GPBP1: variants seen among roughly 807,000 people sequenced by gnomAD.
GPBP1 encodes the protein vasculin.
A neutral mutation model predicts 56.5 loss-of-function variants in GPBP1; 13 were observed. The ratio of observed to expected loss-of-function variants is 0.23; its 90% CI spans 0.15 to 0.37. The LOEUF is 0.37. Among genes scored for constraint, GPBP1 ranks in the 10% least tolerant of loss-of-function variants. The probability of loss-of-function intolerance (pLI) is 1.00; values close to 1 mark genes in which losing one functional copy is unlikely to be tolerated. For missense variants in GPBP1, 477 were observed against 572.3 expected, an observed-to-expected ratio of 0.83 and a Z score of 1.70; for synonymous variants, 204 against 188.9, an observed-to-expected ratio of 1.08 and a Z score of -0.66.
chr5:57,227,228 C>G (rs1464359211), intron 3 of GPBP1, among the ~76,000 whole-genome samples: 2 of 151,942 alleles, frequency 1.3e-5, no homozygotes, highest in Non-Finnish European at 2.9e-5. Context: ...AATTTTTGTA[C>G]TTTTAGTGAA....
intron 2 of GPBP1, among the ~76,000 whole-genome samples, chr5:57,210,517 T>TC (rs1755430073): frequency 6.6e-6 from 1 of 152,176 alleles, no homozygotes; most frequent in Non-Finnish European, 1.5e-5. Flanking sequence ...CCTGAGTTGT[T>TC]AGTAGGACTG....
At chr5:57,187,423 T>A (rs751967392) in intron 2 of GPBP1, among the ~76,000 whole-genome samples, 17 of 152,236 alleles carry the variant, frequency 1.1e-4, no homozygotes, top group Non-Finnish European at 2.4e-4. Flanking sequence ...GTGCTAATTA[T>A]GTGCTAGAGA....
Position 57,214,117 on chromosome 5 carries a change from G to A in GPBP1, c.-14G>A. The A allele has an allele frequency of 6.2e-7, 1 of 1,612,288 alleles. No individual in the cohort carries two copies. The highest frequency in any genetic ancestry group is 8.5e-7 in the Non-Finnish European group (1 of 1,178,352). The stretch of plus-strand genomic sequence containing the variant: ...TGAAGCCTTGTTTCACTGAGTTGGA[G>A]AGACTGGACCTAAATGGCGCAGCAT... On this transcript the variant is annotated 5_prime_UTR_variant, in exon 3 of 12. Transcript: ENST00000506184.
intron 2 of GPBP1, among the ~76,000 whole-genome samples, chr5:57,187,038 G>A (rs965439378): frequency 6.0e-4 from 87 of 144,160 alleles, no homozygotes; most frequent in African/African-American, 2.2e-3. Context: ...GTGTGTGTGT[G>A]TATGTATGTT....
chr5:57,229,940 C>A (rs1031128347), intron 3 of GPBP1, among the ~76,000 whole-genome samples: 3 of 134,082 alleles, frequency 2.2e-5, no homozygotes, highest in African/African-American at 9.5e-5. Context: ...TGCATCGCAT[C>A]GCGTCCCGTC....
intron 2 of GPBP1, among the ~76,000 whole-genome samples, chr5:57,178,446 G>A (rs758524271): frequency 1.3e-5 from 2 of 152,042 alleles, no homozygotes; most frequent in East Asian, 3.9e-4. Flanking sequence ...GGGTTTTACC[G>A]TGTTGGTCAG....
At chr5:57,217,531 A>G (rs1354175753) in intron 3 of GPBP1, among the ~76,000 whole-genome samples, 1 of 151,726 alleles carries the variant, frequency 6.6e-6, no homozygotes, top group Non-Finnish European at 1.5e-5. Flanking sequence ...AGATTGTGCC[A>G]TTGCACTCCA....
chr5:57,178,093 C>G (rs1753874914), intron 2 of GPBP1, among the ~76,000 whole-genome samples: 1 of 152,014 alleles, frequency 6.6e-6, no homozygotes, highest in South Asian at 2.1e-4. Flanking sequence ...GAGAACATTC[C>G]ACACCCTTTC....
chr5:57,186,792 A>G (rs1754305749), intron 2 of GPBP1, among the ~76,000 whole-genome samples: 2 of 152,108 alleles, frequency 1.3e-5, no homozygotes, highest in Admixed American at 1.3e-4. Context: ...AGTGGTCTCA[A>G]ATTACTGGAC....
chr5:57,246,925 A>G (rs373810337), intron 7 of GPBP1, 150 bp from the exon 8 acceptor site: 1 of 495,638 alleles, frequency 2.0e-6, no homozygotes. Context: ...AAAGGGACAG[A>G]GAACTATGTA....
rs778922866 is a variant in GPBP1 at position 57,218,240 on chromosome 5, C to T, written c.63+4047C>T. 6.2e-4 allele frequency among the ~76,000 whole-genome samples: 94 copies of T among 152,124 alleles called. 1 individual carries two copies. The highest frequency in any genetic ancestry group is 1.2e-3 in the Non-Finnish European group (85 of 68,030). Reference sequence around the variant, plus strand: ...CTGCTTGGGATAGGGTCAGATCCCACAGGTTAAATGTTCAGTCCCACAAGA... The same window carrying T: ...CTGCTTGGGATAGGGTCAGATCCCATAGGTTAAATGTTCAGTCCCACAAGA... On this transcript the variant is annotated intron_variant, in intron 3 of 11. Transcript: ENST00000506184.
At position 57,258,365 on chromosome 5, in the gene GPBP1, C is replaced by T. The variant is rs141106821; in HGVS notation, c.1161-2815C>T. Among the ~76,000 whole-genome samples, 477 of 150,886 alleles carry T rather than the reference C, an allele frequency of 3.2e-3. 4 individuals are homozygous for T. Among genetic ancestry groups the T allele is most frequent in the African/African-American group, 0.011 (456 of 41,026 alleles). On this transcript the variant is annotated intron_variant, in intron 10 of 11. Transcript: ENST00000506184. Reference sequence around the variant, plus strand: ...TACACAAACTAGATAGTATAGCCCACTACCTACCTAGGCTATATGGTATAG... The same window carrying T: ...TACACAAACTAGATAGTATAGCCCATTACCTACCTAGGCTATATGGTATAG...
At chr5:57,228,661 T>G (rs566572280) in intron 3 of GPBP1, among the ~76,000 whole-genome samples, 17 of 152,056 alleles carry the variant, frequency 1.1e-4, no homozygotes, top group African/African-American at 3.6e-4. Context: ...CGGGGGAAAT[T>G]TTTTTAAGGA....
intron 3 of GPBP1, among the ~76,000 whole-genome samples, chr5:57,220,712 G>C (rs775167024): frequency 6.6e-6 from 1 of 151,854 alleles, no homozygotes; most frequent in Admixed American, 6.6e-5. Context: ...AACCTGACTC[G>C]GCCTCTCATA....
intron 2 of GPBP1, among the ~76,000 whole-genome samples, chr5:57,178,985 C>T: frequency 6.6e-6 from 1 of 151,768 alleles, no homozygotes. Context: ...ATTCTTAATC[C>T]CGTGAGGAAA....
At position 57,224,675 on chromosome 5, in the gene GPBP1, A is replaced by G. The variant is rs569924119; in HGVS notation, c.64-6171A>G. ...GCTGGTCTTGAACTCCTGGCCTCCCAAAGCACTGGGATTATAGGCGTGAGC... is the reference window on the plus strand; with the variant it reads ...GCTGGTCTTGAACTCCTGGCCTCCCGAAGCACTGGGATTATAGGCGTGAGC... On this transcript the variant is annotated intron_variant, in intron 3 of 11. Transcript: ENST00000506184. 2.6e-5 allele frequency among the ~76,000 whole-genome samples: 4 copies of G among 152,220 alleles called. No individual in the cohort carries two copies. The East Asian group carries it at 7.7e-4, about 29-fold the overall frequency.
chr5:57,179,122 G>A (rs12657320), intron 2 of GPBP1, among the ~76,000 whole-genome samples: 4,492 of 152,260 alleles, frequency 0.03, 147 homozygotes, highest in East Asian at 0.13. Flanking sequence ...TGACTCCAGA[G>A]CACATACTCA....
intron 2 of GPBP1, among the ~76,000 whole-genome samples, chr5:57,212,091 C>T (rs149303937): frequency 4.1e-4 from 62 of 152,094 alleles, no homozygotes; most frequent in Admixed American, 1.4e-3. Context: ...TGCCCACCAC[C>T]GTGCCCTGCT....
intron 3 of GPBP1, among the ~76,000 whole-genome samples, chr5:57,222,848 A>G (rs1756012069): frequency 6.6e-6 from 1 of 152,278 alleles, no homozygotes; most frequent in East Asian, 1.9e-4. Context: ...TCTTGGCGAC[A>G]CTGGATGTTT....
Sources: gnomAD v4.1 joint callset for allele counts (sites outside exome capture counted in the v4.1 genomes callset) on GRCh38, gnomAD v4.1.1 for gene constraint, MANE v1.5 for transcripts, NCBI Gene and HGNC (gene_info 2026-07-23, HGNC 2026-07-21) for gene names.